Variants in GSTCD observed in about 807,000 individuals in gnomAD.
GSTCD encodes glutathione S-transferase C-terminal domain-containing protein.
In GSTCD, 44 loss-of-function variants were observed where a neutral mutation model predicts 68.3. The observed-to-expected ratio is 0.64, with a 90% confidence interval of 0.51 to 0.83. The LOEUF is 0.83. GSTCD is among the 40% of genes least tolerant of loss of function. The pLI is 0.00. For synonymous variants in GSTCD, 273 were observed against 255.2 expected (o/e 1.07, Z -0.67); for missense variants, 739 against 735.9 (o/e 1.00, Z -0.05).
intron 8 of GSTCD, among the ~76,000 whole-genome samples, chr4:105,832,481 T>C (rs1723937569): frequency 6.6e-6 from 1 of 152,216 alleles, no homozygotes; most frequent in Non-Finnish European, 1.5e-5. Flanking sequence ...GTGTAAGGAA[T>C]GTGAACCTAA....
intron 8 of GSTCD, among the ~76,000 whole-genome samples, chr4:105,827,991 A>G (rs757402049): frequency 1.3e-5 from 2 of 152,132 alleles, no homozygotes; most frequent in Admixed American, 1.3e-4. Flanking sequence ...GGTCATGACT[A>G]TGGAAAAATG....
chr4:105,791,083 G>C (rs1053068317), intron 5 of GSTCD, among the ~76,000 whole-genome samples: 1 of 151,842 alleles, frequency 6.6e-6, no homozygotes, highest in Non-Finnish European at 1.5e-5. Flanking sequence ...TGATATAATA[G>C]AGAAGTCTAT....
rs752664464 is a variant in GSTCD, at chr4:105,842,122, C to T, written c.1753C>T (p.Arg585Ter). Residue 585 changes from arginine (R) to a stop codon, truncating the protein, a stop_gained, in exon 11 of 12, where the codon CGA becomes TGA. Transcript: ENST00000515279. LOFTEE classifies it high-confidence loss of function. ...DQTAVQLPPQ[R>*]RLIGKQCMCL... ...GACAGCTGTCCAGCTCCCACCCCAACGAAGGCTCATAGGTATGTGTTTTCA... is the reference window on the plus strand; with the variant it reads ...GACAGCTGTCCAGCTCCCACCCCAATGAAGGCTCATAGGTATGTGTTTTCA... 11 of 1,613,554 alleles carry T rather than the reference C, an allele frequency of 6.8e-6. No individual in the cohort carries two copies. Among genetic ancestry groups the T allele is most frequent in the South Asian group, 4.4e-5 (4 of 91,066 alleles).
At chr4:105,842,222 G>A (rs1724379791) in intron 11 of GSTCD, 88 bp downstream of exon 11, 2 of 962,354 alleles carry the variant, frequency 2.1e-6, no homozygotes, top group African/African-American at 1.6e-5. Flanking sequence ...GAAAAATTTA[G>A]CAACATGAAG....
intron 3 of GSTCD, among the ~76,000 whole-genome samples, chr4:105,724,223 AT>A (rs907901500): frequency 4.6e-5 from 7 of 151,958 alleles, no homozygotes; most frequent in African/African-American, 1.7e-4. Context: ...CTACGGAAAC[AT>A]TTGTTGCCTC....
intron 8 of GSTCD, among the ~76,000 whole-genome samples, chr4:105,832,535 G>T (rs1420963002): frequency 6.6e-6 from 1 of 151,870 alleles, no homozygotes; most frequent in Non-Finnish European, 1.5e-5. Flanking sequence ...ACTCTTTTTT[G>T]CTCAGAGCCT....
intron 5 of GSTCD, among the ~76,000 whole-genome samples, chr4:105,757,509 ACACT>A (rs1734239365): frequency 6.6e-6 from 1 of 152,198 alleles, no homozygotes; most frequent in Non-Finnish European, 1.5e-5. Flanking sequence ...ATTGGTCAAA[ACACT>A]CACTCTGAAA....
intron 5 of GSTCD, among the ~76,000 whole-genome samples, chr4:105,798,890 G>A (rs1440880555): frequency 1.3e-5 from 2 of 152,166 alleles, no homozygotes; most frequent in Non-Finnish European, 2.9e-5. Context: ...GCTAGGCATT[G>A]ACTTCCTTTT....
At chr4:105,767,931 TG>T (rs75893495) in intron 5 of GSTCD, among the ~76,000 whole-genome samples, 123,848 of 151,618 alleles carry the variant, frequency 0.82, 50,885 homozygotes, top group East Asian at 0.96. Flanking sequence ...GAAAATGATG[TG>T]TTTTTTTTCA....
intron 1 of GSTCD, among the ~76,000 whole-genome samples, chr4:105,714,024 GAAAA>G (rs768501109): frequency 2.1e-5 from 3 of 140,402 alleles, no homozygotes; most frequent in South Asian, 4.4e-4. Context: ...GAATGAAAGT[GAAAA>G]AAAAAAACCA....
intron 5 of GSTCD, chr4:105,821,266 A>G (rs1723278786): frequency 6.6e-6 from 1 of 151,926 alleles, no homozygotes; most frequent in Non-Finnish European, 1.5e-5. Context: ...TAAATCAAGT[A>G]TAGTAAGTTG....
intron 5 of GSTCD, among the ~76,000 whole-genome samples, chr4:105,818,817 G>A (rs1055652325): frequency 4.0e-5 from 6 of 151,728 alleles, no homozygotes; most frequent in Admixed American, 3.9e-4. Flanking sequence ...TAGAACACCA[G>A]GGTTCAAAAT....
chr4:105,803,528 C>G (rs1736186078), intron 5 of GSTCD, among the ~76,000 whole-genome samples: 1 of 151,766 alleles, frequency 6.6e-6, no homozygotes, highest in South Asian at 2.1e-4. Context: ...AAATTATGTT[C>G]AAGTTTTTTA....
chr4:105,737,028 T>C (rs2149217513), intron 5 of GSTCD, among the ~76,000 whole-genome samples: 1 of 152,334 alleles, frequency 6.6e-6, no homozygotes, highest in East Asian at 1.9e-4. Context: ...TCTTGCCTAT[T>C]GTGAATAGTG....
intron 5 of GSTCD, among the ~76,000 whole-genome samples, chr4:105,743,099 G>A (rs928022245): frequency 2.7e-4 from 41 of 151,750 alleles, no homozygotes; most frequent in African/African-American, 7.5e-4. Flanking sequence ...ACAGGCGCCC[G>A]CCACCACGCC....
intron 5 of GSTCD, among the ~76,000 whole-genome samples, chr4:105,791,261 T>C (rs1229888548): frequency 8.6e-5 from 13 of 150,776 alleles, no homozygotes; most frequent in Admixed American, 2.6e-4. Context: ...GGCGTGGTGG[T>C]GGGCGCCTGT....
At chr4:105,801,808 T>C (rs1158603424) in intron 5 of GSTCD, among the ~76,000 whole-genome samples, 1 of 152,112 alleles carries the variant, frequency 6.6e-6, no homozygotes, top group Admixed American at 6.6e-5. Flanking sequence ...TAAAATCCAC[T>C]GTTATTTTCT....
intron 3 of GSTCD, among the ~76,000 whole-genome samples, chr4:105,722,907 C>G (rs1732917037): frequency 6.6e-6 from 1 of 151,762 alleles, no homozygotes; most frequent in Non-Finnish European, 1.5e-5. Context: ...TTAGCAACTT[C>G]CTTAAATATA....
chr4:105,804,055 C>T (rs1021918992), intron 5 of GSTCD, among the ~76,000 whole-genome samples: 1 of 151,854 alleles, frequency 6.6e-6, no homozygotes, highest in Non-Finnish European at 1.5e-5. Flanking sequence ...TTATTTATAA[C>T]TCATGTAGTT....
Sources: allele counts gnomAD v4.1 joint callset (sites outside exome capture counted in the v4.1 genomes callset), GRCh38; gene constraint gnomAD v4.1.1; transcripts MANE v1.5; gene names NCBI Gene and HGNC (gene_info 2026-07-23, HGNC 2026-07-21).